The following OXNAD1 variants were observed in gnomAD, a reference collection of about 807,000 sequenced individuals.
OXNAD1 encodes oxidoreductase NAD-binding domain-containing protein 1.
Under a neutral mutation model 32.9 loss-of-function variants are expected in OXNAD1, and 34 were observed. The ratio of observed to expected loss-of-function variants is 1.03; its 90% confidence interval spans 0.79 to 1.38. The LOEUF (loss-of-function observed/expected upper bound fraction) is 1.38, where lower values mean the gene tolerates loss of function less well. Ranked by LOEUF, OXNAD1 falls within the 40% of genes most tolerant of loss-of-function variation. The pLI is 0.00. For synonymous variants in OXNAD1, 134 were observed against 135.2 expected (o/e 0.99, Z 0.06); for missense variants, 407 against 379.4 (o/e 1.07, Z -0.60).
chr3:16,285,139 G>A (rs1351518633), intron 4 of OXNAD1, among the ~76,000 whole-genome samples: 1 of 152,202 alleles, frequency 6.6e-6, no homozygotes, highest in Admixed American at 6.5e-5. Context: ...TATTTTGCAG[G>A]AGGGAGAGAA....
rs946087101 is a variant in OXNAD1, at chr3:16,336,758, T to C, written c.*31-354T>C. Among the ~76,000 whole-genome samples, 2 of 152,214 alleles carry C rather than the reference T, an allele frequency of 1.3e-5. No individual in the cohort carries two copies. Among genetic ancestry groups the C allele is most frequent in the African/African-American group, 4.8e-5 (2 of 41,462 alleles). On this transcript the variant is annotated intron_variant, in intron 9 of 9. Transcript: ENST00000435829. This position sits in a 1 kb window ranked among gnomAD's most constrained non-coding sequence, Gnocchi z 6.0. Reference sequence around the variant, plus strand: ...AAAAAGCTTCAGTTCTGAGACTCTTTACCCACCCAGTGCTGGTGAATTCAC... The same window carrying C: ...AAAAAGCTTCAGTTCTGAGACTCTTCACCCACCCAGTGCTGGTGAATTCAC...
At position 16,301,968 on chromosome 3, in the gene OXNAD1, A is replaced by G; in HGVS notation, c.675+100A>G. 2.8e-6 allele frequency: 4 copies of G among 1,448,666 alleles called. No homozygotes were observed. The South Asian group carries it at 5.5e-5, about 20-fold the overall frequency. The allele number at this position is 1,448,666 out of a possible 1,614,324, so 89.7% of individuals were successfully genotyped here. On this transcript the variant is annotated intron_variant, in intron 7 of 8. Coordinates refer to ENST00000285083, the MANE Select transcript of OXNAD1 (RefSeq NM_138381.5). The surrounding 1 kb of genome is among the most constrained non-coding windows in gnomAD (Gnocchi z 4.1). ...TTTTGTTTTCTCTGCAAAGGTTCAA[A>G]CAAAAGGCTTGGCAAGATTTAATCA...
At chr3:16,300,219 C>T (rs1170841573) in intron 6 of OXNAD1, among the ~76,000 whole-genome samples, 2 of 151,968 alleles carry the variant, frequency 1.3e-5, no homozygotes, top group African/African-American at 4.8e-5. Context: ...TTTTAAATAA[C>T]ATAATTCTCT....
intron 1 of OXNAD1, among the ~76,000 whole-genome samples, chr3:16,268,474 C>T (rs1029252289): frequency 3.3e-5 from 5 of 151,554 alleles, no homozygotes; most frequent in Non-Finnish European, 5.9e-5. Flanking sequence ...GGATTATAGG[C>T]GCCCGACACC....
At position 16,314,157 on chromosome 3, in the gene OXNAD1, G is replaced by A. The variant is rs1222761514; in HGVS notation, c.*30+10565G>A. On this transcript the variant is annotated intron_variant, in intron 9 of 9. Transcript: ENST00000435829. The surrounding 1 kb of genome is among the most constrained non-coding windows in gnomAD (Gnocchi z 4.4). The stretch of plus-strand genomic sequence containing the variant: ...AGCCTCACAGACTTAACTGCCAAGT[G>A]CACAAGCTTCCTCATGCCAAACCCT... Among the ~76,000 whole-genome samples the A allele has an allele frequency of 1.3e-5, 2 of 152,052 alleles. No homozygotes were observed.
chr3:16,283,157 A>G (rs1014729012), intron 4 of OXNAD1, among the ~76,000 whole-genome samples: 1 of 152,200 alleles, frequency 6.6e-6, no homozygotes. Context: ...AGATGCATCC[A>G]TAATTGAATA....
Position 16,327,546 on chromosome 3 carries a change from T to C in OXNAD1, c.*31-9566T>C, listed in dbSNP as rs570336845. Among the ~76,000 whole-genome samples, 2 of 151,876 alleles carry C rather than the reference T, an allele frequency of 1.3e-5. No homozygotes were observed. Among genetic ancestry groups the C allele is most frequent in the African/African-American group, 2.4e-5 (1 of 41,352 alleles). Reference sequence around the variant, plus strand: ...AGGCTGAGGCAGGTGGATCACATGGTCAGGAGATCAAGACCATCCTGGCTA... The same window carrying C: ...AGGCTGAGGCAGGTGGATCACATGGCCAGGAGATCAAGACCATCCTGGCTA... On this transcript the variant is annotated intron_variant, in intron 9 of 9. Transcript: ENST00000435829. This position sits in a 1 kb window ranked among gnomAD's most constrained non-coding sequence, Gnocchi z 4.2.
chr3:16,265,236 C>G lies in OXNAD1; in HGVS notation c.-428C>G, dbSNP rs1382606437. 3.9e-6 allele frequency: 1 copy of G among 257,932 alleles called. No homozygotes were observed. Among genetic ancestry groups the G allele is most frequent in the Non-Finnish European group, 7.5e-6 (1 of 132,716 alleles). The allele number at this position is 257,932 out of a possible 1,614,324, so 16.0% of individuals were successfully genotyped here. On this transcript the variant is annotated 5_prime_UTR_variant, in exon 1 of 9. Transcript: ENST00000285083. This position sits in a 1 kb window ranked among gnomAD's most constrained non-coding sequence, Gnocchi z 4.8. The stretch of plus-strand genomic sequence containing the variant: ...AGTATTCCAGGCGCCTGCAACTAAA[C>G]GTGGCCGGGTCTGCAAGCTAGGTGC...
At chr3:16,273,728 A>G (rs1449917868) in intron 4 of OXNAD1, among the ~76,000 whole-genome samples, 1 of 152,174 alleles carries the variant, frequency 6.6e-6, no homozygotes, top group Non-Finnish European at 1.5e-5. Flanking sequence ...TAAGAATCGG[A>G]CTAATAGGAA....
chr3:16,315,633 A>G (rs1440979172), intron 9 of OXNAD1: 1 of 152,256 alleles, frequency 6.6e-6, no homozygotes, highest in African/African-American at 2.4e-5. Context: ...ACCTGGTGGC[A>G]TCTGAGTTCC....
In OXNAD1 at chr3:16,312,480, C is replaced by G. The variant is rs547729383; in HGVS notation, c.*30+8888C>G. Among the ~76,000 whole-genome samples, 4 of 152,344 alleles carry G rather than the reference C, an allele frequency of 2.6e-5. No homozygotes were observed. The South Asian group carries it at 8.3e-4, about 32-fold the overall frequency. On this transcript the variant is annotated intron_variant, in intron 9 of 9. Coordinates refer to the OXNAD1 transcript ENST00000435829. This position sits in a 1 kb window ranked among gnomAD's most constrained non-coding sequence, Gnocchi z 4.7. ...TGGCCACACACACCAGTCATCCTCACCCTTCCCGTCTTGCCAGTCCTTTCA... is the reference window on the plus strand; with the variant it reads ...TGGCCACACACACCAGTCATCCTCAGCCTTCCCGTCTTGCCAGTCCTTTCA...
rs1048946433 is a variant in OXNAD1 at position 16,321,945 on chromosome 3, C to T, written c.*31-15167C>T. On this transcript the variant is annotated intron_variant, in intron 9 of 9. Transcript: ENST00000435829. This position sits in a 1 kb window ranked among gnomAD's most constrained non-coding sequence, Gnocchi z 4.8. The stretch of plus-strand genomic sequence containing the variant: ...CACCAACATCCAACCACATGTCTCT[C>T]CTTTGGAATCTGTGTGCCCCACCAC... Among the ~76,000 whole-genome samples, 1 of 152,224 alleles carries T rather than the reference C, an allele frequency of 6.6e-6. No homozygotes were observed. The highest frequency in any genetic ancestry group is 1.5e-5 in the Non-Finnish European group (1 of 68,038).
At chr3:16,323,301 T>A in intron 9 of OXNAD1, 1 of 1,158,180 alleles carries the variant, frequency 8.6e-7, no homozygotes, top group Non-Finnish European at 1.3e-6. Flanking sequence ...GGCTGCCCCC[T>A]CAAATGCTGC....
downstream of OXNAD1, among the ~76,000 whole-genome samples, chr3:16,338,552 G>A (rs1333018580): frequency 3.9e-5 from 6 of 152,330 alleles, no homozygotes; most frequent in South Asian, 1.2e-3. This position sits in a 1 kb window ranked among gnomAD's most constrained non-coding sequence, Gnocchi z 5.3. Context: ...GGCCAACTTA[G>A]AAATAGCTTT....
At chr3:16,319,538 C>T (rs549618478) in intron 9 of OXNAD1, among the ~76,000 whole-genome samples, 13 of 152,294 alleles carry the variant, frequency 8.5e-5, no homozygotes, top group Non-Finnish European at 1.6e-4. Flanking sequence ...GTGCAGTGTA[C>T]AACTGAGGAC....
rs1559818889 is a variant in OXNAD1 at position 16,329,068 on chromosome 3, T to C, written c.*31-8044T>C. Among the ~76,000 whole-genome samples the C allele has an allele frequency of 6.6e-6, 1 of 152,204 alleles. No homozygotes were observed. The highest frequency in any genetic ancestry group is 1.5e-5 in the Non-Finnish European group (1 of 68,032). ...AATGGTGAGGCCTGGTGGGAGTGTT[T>C]AGGTCAGAAGGGCTCCACTCTTGTG... On this transcript the variant is annotated intron_variant, in intron 9 of 9. Transcript: ENST00000435829. The surrounding 1 kb of genome is among the most constrained non-coding windows in gnomAD (Gnocchi z 4.5).
intron 5 of OXNAD1, among the ~76,000 whole-genome samples, chr3:16,293,943 T>C (rs2066593909): frequency 6.6e-6 from 1 of 152,186 alleles, no homozygotes; most frequent in Non-Finnish European, 1.5e-5. Flanking sequence ...TTCTACTGAG[T>C]GGTGTATTAC....
chr3:16,338,791 G>GA (rs1003936726), downstream of OXNAD1, among the ~76,000 whole-genome samples: 42 of 152,192 alleles, frequency 2.8e-4, no homozygotes, highest in African/African-American at 1.0e-3. The surrounding 1 kb of genome is among the most constrained non-coding windows in gnomAD (Gnocchi z 5.3). Flanking sequence ...AAAAGGGATT[G>GA]AAAAAAGGAG....
At chr3:16,267,479 A>T (rs928872400) in intron 1 of OXNAD1, among the ~76,000 whole-genome samples, 1 of 151,064 alleles carries the variant, frequency 6.6e-6, no homozygotes, top group African/African-American at 2.5e-5. Flanking sequence ...CTCCAGTCAC[A>T]CTGGCCTTGG....
Sources: allele counts gnomAD v4.1 joint callset (sites outside exome capture counted in the v4.1 genomes callset), GRCh38; gene constraint gnomAD v4.1.1; non-coding constraint Gnocchi (gnomAD v3.1); transcripts MANE v1.5; gene names NCBI Gene and HGNC (gene_info 2026-07-23, HGNC 2026-07-21).